The following APLP1 variants were observed in gnomAD, a reference collection of about 807,000 sequenced individuals.
The protein encoded by APLP1 is amyloid beta precursor like protein 1.
APLP1 carries 46 observed loss-of-function variants against 84.5 expected under a neutral mutation model. That is an observed-to-expected ratio of 0.54 (90% CI 0.43 to 0.70). The LOEUF is 0.70. Ranked by LOEUF, APLP1 falls within the 30% of genes least tolerant of loss-of-function variation. The pLI, the probability that APLP1 is intolerant of heterozygous loss-of-function variation, is 0.00. For synonymous variants in APLP1, 376 were observed against 364.0 expected, an observed-to-expected ratio of 1.03 and a Z score of -0.38; for missense variants, 826 against 900.2, an observed-to-expected ratio of 0.92 and a Z score of 1.05.
Position 35,872,091 on chromosome 19 carries a change from G to A in APLP1, c.850+55G>A, listed in dbSNP as rs951419368. On this transcript the variant is annotated intron_variant, in intron 6 of 16. Coordinates refer to ENST00000221891, the MANE Select transcript of APLP1 (RefSeq NM_001024807.3). ...CTCCACCATAGAGGGAGAAAGATCT[G>A]GGGGAGTCTTGCTGGGGGGTGTCTT... 1.2e-5 allele frequency: 19 copies of A among 1,571,060 alleles called. No individual in the cohort carries two copies. The African/African-American group carries it at 1.2e-4, about 10-fold the overall frequency.
rs1165944433 is a variant in APLP1 at position 35,871,909 on chromosome 19, G to A, written c.723G>A (p.Glu241=). ...CGGGGAGCAGAGTAGAGGGGGCTGA[G>A]GACGAGGAAGAGGAGGAATCCTTCC... ...WPPGSRVEGA[E]DEEEEESFPQ... Residue 241 remains glutamate (E), a synonymous_variant, in exon 6 of 17, where the codon GAG becomes GAA. Transcript: ENST00000221891. 1 of 1,614,178 alleles carries A rather than the reference G, an allele frequency of 6.2e-7. No homozygotes were observed. The highest frequency in any genetic ancestry group is 2.2e-5 in the East Asian group (1 of 44,876).
At chr19:35,875,328 A>ATTTT (rs35284323) in intron 10 of APLP1, among the ~76,000 whole-genome samples, 5 of 133,144 alleles carry the variant, frequency 3.8e-5, no homozygotes, top group African/African-American at 1.4e-4. Context: ...CACTGGGCTA[A>ATTTT]TTTTTTTTTT....
intron 11 of APLP1, 68 bp downstream of exon 11, chr19:35,876,684 G>GC (rs928680994): frequency 4.2e-5 from 54 of 1,300,046 alleles, no homozygotes; most frequent in East Asian, 2.5e-4. Flanking sequence ...TAAATGTTGG[G>GC]CCCCCCCAAT....
chr19:35,876,055 A>T (rs999030510), intron 10 of APLP1, among the ~76,000 whole-genome samples: 3 of 151,780 alleles, frequency 2.0e-5, no homozygotes, highest in African/African-American at 7.3e-5. Flanking sequence ...GATTACAGGC[A>T]TGAGCCACCG....
intron 3 of APLP1, 30 bp from the exon 4 acceptor site, chr19:35,871,207 A>T (rs1974136492): frequency 3.7e-6 from 6 of 1,602,498 alleles, no homozygotes; most frequent in Admixed American, 1.7e-5. Flanking sequence ...CTATAGGAGG[A>T]TCTCACCCTG....
At chr19:35,871,812 C>T (rs771666681) in intron 5 of APLP1, 46 bp from the exon 6 acceptor site, 4 of 1,612,720 alleles carry the variant, frequency 2.5e-6, no homozygotes, top group Non-Finnish European at 3.4e-6. Context: ...AGCCTGGGAG[C>T]CCAGGCCTGG....
intron 11 of APLP1, among the ~76,000 whole-genome samples, chr19:35,876,963 A>G (rs986783278): frequency 1.2e-4 from 19 of 152,186 alleles, no homozygotes; most frequent in Admixed American, 7.9e-4. Flanking sequence ...TCAGCAGGGT[A>G]GCTAGATTCC....
rs565186400 is a variant in APLP1 at position 35,879,133 on chromosome 19, G to T, written c.1773G>T (p.Ala591=). ...EAVSGLLIMG[A]GGGSLIVLSM... ...TGTCGGGTCTGCTGATCATGGGAGC[G>T]GGCGGAGGCTCCCTCATCGTCCTCT... Residue 591 remains alanine (A), a synonymous_variant, in exon 16 of 17, where the codon GCG becomes GCT. Coordinates refer to ENST00000221891, the MANE Select transcript of APLP1 (RefSeq NM_001024807.3). 1.2e-6 allele frequency: 2 copies of T among 1,612,312 alleles called. No homozygotes were observed. The highest frequency in any genetic ancestry group is 8.5e-7 in the Non-Finnish European group (1 of 1,179,976).
rs1042357538 is a variant in APLP1, at chr19:35,874,016, C to A, written c.1056+303C>A. 6.6e-6 allele frequency among the ~76,000 whole-genome samples: 1 copy of A among 152,190 alleles called. No individual in the cohort carries two copies. Among genetic ancestry groups the A allele is most frequent in the Non-Finnish European group, 1.5e-5 (1 of 68,028 alleles). ...CAGATGCAGCCAGGGCCTTCTTGGT[C>A]TCTCTTTGATGCATTTATGTCTCTA... On this transcript the variant is annotated intron_variant, in intron 8 of 16. Transcript: ENST00000221891. This position sits in a 1 kb window ranked among gnomAD's most constrained non-coding sequence, Gnocchi z 6.4.
Position 35,878,601 on chromosome 19 carries a change from G to A in APLP1, c.1597G>A (p.Ala533Thr), listed in dbSNP as rs1177964103. Reference protein sequence around the residue: ...TLPKGSTEQDAASPEKEKMNP... With the variant: ...TLPKGSTEQDTASPEKEKMNP... ...GGGGGTAGGGTCCACAGAACAAGAT[G>A]CTGCATCCCCTGAGAAAGAGAAGAT... Residue 533 changes from alanine to threonine, a missense_variant, in exon 14 of 17, where the codon GCT (alanine) becomes ACT (threonine). Physicochemically the swap from Ala to Thr is moderately conservative, Grantham distance 58 (BLOSUM62 0). Around this residue, in one of 3 missense-constraint regions of APLP1, gnomAD observed 433 missense variants for 496.5 expected, o/e 0.87. Coordinates refer to ENST00000221891, the MANE Select transcript of APLP1 (RefSeq NM_001024807.3). The A allele has an allele frequency of 6.2e-7, 1 of 1,614,000 alleles. No homozygotes were observed. Among genetic ancestry groups the A allele is most frequent in the South Asian group, 1.1e-5 (1 of 91,068 alleles).
chr19:35,872,422 A>G, intron 6 of APLP1, 61 bp from the exon 7 acceptor site: 13 of 1,576,964 alleles, frequency 8.2e-6, no homozygotes, highest in Non-Finnish European at 1.1e-5. Flanking sequence ...GTGGTTCTCT[A>G]GGTAGAAAAG....
Position 35,872,029 on chromosome 19 carries a change from C to G in APLP1, c.843C>G (p.Val281=). 1 of 1,613,428 alleles carries G rather than the reference C, an allele frequency of 6.2e-7. No individual in the cohort carries two copies. Among genetic ancestry groups the G allele is most frequent in the Non-Finnish European group, 8.5e-7 (1 of 1,179,692 alleles). The change falls in exon 6 of 17, where the codon GTC becomes GTG. Residue 281 remains valine (V), a synonymous_variant. Coordinates refer to ENST00000221891, the MANE Select transcript of APLP1 (RefSeq NM_001024807.3). ...PPPSSHTLAV[V]GKVTPTPRPT... Reference sequence around the variant, plus strand: ...CAAGCTCCCATACACTTGCAGTGGTCGGCAAAGGTGAGGCAGTCTCTGAAC... The same window carrying G: ...CAAGCTCCCATACACTTGCAGTGGTGGGCAAAGGTGAGGCAGTCTCTGAAC...
rs893911542 is a variant in APLP1, at chr19:35,874,976, C to G, written c.1344+107C>G. On this transcript the variant is annotated intron_variant, in intron 10 of 16. Transcript: ENST00000221891. The surrounding 1 kb of genome is among the most constrained non-coding windows in gnomAD (Gnocchi z 6.4). ...CCTCTTTCTGTCTCTTGGACCCCTT[C>G]CTATCCCCTGAACACCGCTTCTCTG... 13 of 1,448,608 alleles carry G rather than the reference C, an allele frequency of 9.0e-6. No homozygotes were observed. In the East Asian group the frequency reaches 1.7e-4, roughly 19 times the overall value. 89.7% of individuals were successfully genotyped at this position (1,448,608 alleles called of 1,614,324 possible).
chr19:35,877,280 G>A (rs954143398), intron 11 of APLP1, among the ~76,000 whole-genome samples: 5 of 152,072 alleles, frequency 3.3e-5, no homozygotes. Context: ...CTTGAGGTCA[G>A]GAGTTCGAGA....
At chr19:35,877,514 A>G (rs1428052159) in intron 11 of APLP1, among the ~76,000 whole-genome samples, 1 of 150,950 alleles carries the variant, frequency 6.6e-6, no homozygotes, top group East Asian at 1.9e-4. Context: ...AAAAAAAAAC[A>G]TAATCTTGAA....
chr19:35,868,736 CA>C lies in APLP1; in HGVS notation c.101del (p.Gln34ArgfsTer30). 1 of 1,389,860 alleles carries C rather than the reference CA, an allele frequency of 7.2e-7. No individual in the cohort carries two copies. Among genetic ancestry groups the C allele is most frequent in the Non-Finnish European group, 9.3e-7 (1 of 1,075,880 alleles). The allele number at this position is 1,389,860 out of a possible 1,614,324, so 86.1% of individuals were successfully genotyped here. A position where few individuals can be genotyped will look rare whatever the true frequency, so the allele number is the denominator to read the frequency against. Reference sequence around the variant, plus strand: ...ACTATTGCTGCTGCTTCTGCGCGCGCAGCCCGCCATCGGGAGCCTGGCCGGT... The same window carrying C: ...ACTATTGCTGCTGCTTCTGCGCGCGCGCCCGCCATCGGGAGCCTGGCCGGT... ...LPLLLLLLRAQPAIGSLAGGS... is the reference protein window; with the variant it reads ...LPLLLLLLRAXPAIGSLAGGS... On this transcript the variant is annotated frameshift_variant, in exon 1 of 17. Transcript: ENST00000221891. LOFTEE classifies it high-confidence loss of function. This position sits in a 1 kb window ranked among gnomAD's most constrained non-coding sequence, Gnocchi z 5.2.
intron 7 of APLP1, among the ~76,000 whole-genome samples, chr19:35,872,890 G>C (rs548770966): frequency 6.7e-6 from 1 of 149,408 alleles, no homozygotes; most frequent in African/African-American, 2.5e-5. Flanking sequence ...ACGGAGTTTC[G>C]CTCTTAACAC....
intron 11 of APLP1, among the ~76,000 whole-genome samples, chr19:35,877,254 C>T (rs1004954199): frequency 6.6e-6 from 1 of 151,968 alleles, no homozygotes; most frequent in Non-Finnish European, 1.5e-5. Flanking sequence ...TTTAGGAGGC[C>T]GAGGCGGGTG....
rs888191058 is a variant in APLP1, at chr19:35,874,672, C to A, written c.1215+10C>A. On this transcript the variant is annotated intron_variant, in intron 9 of 16. Transcript: ENST00000221891. The surrounding 1 kb of genome is among the most constrained non-coding windows in gnomAD (Gnocchi z 6.4). ...GGCAGATCCGCCTCAGGTGCGGGGA[C>A]CGTGGGGGCAGAGAGCAGAGGGTGA... The A allele has an allele frequency of 3.7e-6, 6 of 1,613,432 alleles. No homozygotes were observed. Among genetic ancestry groups the A allele is most frequent in the Non-Finnish European group, 5.1e-6 (6 of 1,179,806 alleles).
Sources: gnomAD v4.1 joint callset for allele counts (sites outside exome capture counted in the v4.1 genomes callset) on GRCh38, gnomAD v4.1.1 for gene constraint, gnomAD v4.1.1 regional missense constraint, Gnocchi (gnomAD v3.1) non-coding constraint, MANE v1.5 for transcripts, NCBI Gene and HGNC (gene_info 2026-07-23, HGNC 2026-07-21) for gene names.